Variants in ST6GALNAC3 observed in about 807,000 individuals in gnomAD.
ST6GALNAC3 encodes the protein ST6 N-acetylgalactosaminide alpha-2,6-sialyltransferase 3.
ST6GALNAC3 carries 25 observed loss-of-function variants against 32.7 expected under a neutral mutation model. The ratio of observed to expected loss-of-function variants is 0.76; its 90% confidence interval spans 0.56 to 1.07. The LOEUF is 1.07. Among genes scored for constraint, ST6GALNAC3 ranks in the 50% least tolerant of loss-of-function variants. The pLI is 0.00. For synonymous variants in ST6GALNAC3, 129 were observed against 133.1 expected (o/e 0.97, Z 0.21); for missense variants, 355 against 382.4 (o/e 0.93, Z 0.60).
At chr1:76,456,016 C>T (rs1199163139) in intron 3 of ST6GALNAC3, among the ~76,000 whole-genome samples, 1 of 152,016 alleles carries the variant, frequency 6.6e-6, no homozygotes, top group Non-Finnish European at 1.5e-5. Flanking sequence ...CAAAGCCCGA[C>T]TCTACCAAAA....
intron 1 of ST6GALNAC3, among the ~76,000 whole-genome samples, chr1:76,282,003 T>C (rs1257048254): frequency 6.6e-6 from 1 of 152,086 alleles, no homozygotes; most frequent in East Asian, 1.9e-4. Flanking sequence ...ATGGAGAAGG[T>C]GGGATGCATG....
At chr1:76,476,139 C>A (rs1289112520) in intron 3 of ST6GALNAC3, among the ~76,000 whole-genome samples, 1 of 152,096 alleles carries the variant, frequency 6.6e-6, no homozygotes, top group African/African-American at 2.4e-5. Flanking sequence ...AAACTTCAAG[C>A]AAACCGAAAC....
chr1:76,136,642 T>C (rs1649966156), intron 1 of ST6GALNAC3, among the ~76,000 whole-genome samples: 1 of 152,202 alleles, frequency 6.6e-6, no homozygotes, highest in South Asian at 2.1e-4. Flanking sequence ...GCTTTCACAG[T>C]TGGTTAAATA....
At chr1:76,536,965 A>T (rs915973252) in intron 3 of ST6GALNAC3, among the ~76,000 whole-genome samples, 17 of 152,210 alleles carry the variant, frequency 1.1e-4, no homozygotes, top group Admixed American at 7.9e-4. Context: ...CAGGACTCGA[A>T]CTCAGCTCTG....
At chr1:76,416,812 G>A (rs1175896791) in intron 3 of ST6GALNAC3, among the ~76,000 whole-genome samples, 1 of 151,850 alleles carries the variant, frequency 6.6e-6, no homozygotes, top group Non-Finnish European at 1.5e-5. Flanking sequence ...ATTTTTAGTA[G>A]AGATGGGGTT....
intron 1 of ST6GALNAC3, among the ~76,000 whole-genome samples, chr1:76,280,428 A>T (rs938757295): frequency 9.2e-5 from 14 of 152,196 alleles, no homozygotes; most frequent in African/African-American, 3.4e-4. Flanking sequence ...TTTCTTGCAT[A>T]GTACTTTCAG....
intron 2 of ST6GALNAC3, among the ~76,000 whole-genome samples, chr1:76,399,971 G>T (rs926191191): frequency 1.3e-4 from 20 of 152,106 alleles, no homozygotes; most frequent in African/African-American, 4.8e-4. Context: ...TTAATACCAT[G>T]ATATAATCTG....
At chr1:76,216,078 A>G (rs1008860938) in intron 1 of ST6GALNAC3, among the ~76,000 whole-genome samples, 1 of 151,996 alleles carries the variant, frequency 6.6e-6, no homozygotes, top group Non-Finnish European at 1.5e-5. Flanking sequence ...CTGGTCTCAT[A>G]GATGTTATTT....
Position 76,630,503 on chromosome 1 carries a change from T to G in ST6GALNAC3, c.*1697T>G, listed in dbSNP as rs1649239776. The stretch of plus-strand genomic sequence containing the variant: ...GATTTGCTGCAAGAGTAGCTGAGAA[T>G]TCAAAAACATCCTTGCAGAATGATT... On this transcript the variant is annotated 3_prime_UTR_variant, in exon 5 of 5. Transcript: ENST00000328299. 1.0e-6 allele frequency: 1 copy of G among 985,110 alleles called. No homozygotes were observed. Among genetic ancestry groups the G allele is most frequent in the South Asian group, 4.7e-5 (1 of 21,290 alleles). The allele number at this position is 985,110 out of a possible 1,614,324, so 61.0% of individuals were successfully genotyped here.
At chr1:76,419,082 CT>C (rs1444214223) in intron 3 of ST6GALNAC3, among the ~76,000 whole-genome samples, 1 of 151,752 alleles carries the variant, frequency 6.6e-6, no homozygotes, top group Non-Finnish European at 1.5e-5. Flanking sequence ...TACAAATGCA[CT>C]GGGTGAAACT....
chr1:76,566,715 C>T (rs1045867258), intron 3 of ST6GALNAC3, among the ~76,000 whole-genome samples: 1 of 152,148 alleles, frequency 6.6e-6, no homozygotes, highest in African/African-American at 2.4e-5. Flanking sequence ...CTCTCTCTTG[C>T]CCGGTTTAAT....
intron 1 of ST6GALNAC3, among the ~76,000 whole-genome samples, chr1:76,305,588 A>G (rs187953573): frequency 6.6e-6 from 1 of 152,248 alleles, no homozygotes; most frequent in Admixed American, 6.5e-5. Flanking sequence ...TTCGGGAAAG[A>G]CAATATCAAG....
intron 2 of ST6GALNAC3, among the ~76,000 whole-genome samples, chr1:76,322,872 G>A (rs947206055): frequency 4.0e-5 from 6 of 150,780 alleles, no homozygotes; most frequent in Admixed American, 1.3e-4. Flanking sequence ...ATGGAGTCTC[G>A]CTCTGTCACT....
intron 1 of ST6GALNAC3, among the ~76,000 whole-genome samples, chr1:76,217,866 A>G (rs1407886236): frequency 6.6e-6 from 1 of 152,162 alleles, no homozygotes; most frequent in African/African-American, 2.4e-5. Flanking sequence ...TTTATGGCTG[A>G]GTAGTATTCT....
chr1:76,590,395 A>T (rs1647029030), intron 3 of ST6GALNAC3, among the ~76,000 whole-genome samples: 1 of 152,214 alleles, frequency 6.6e-6, no homozygotes, highest in Non-Finnish European at 1.5e-5. Flanking sequence ...ATATCAGATT[A>T]CTTTTTAAAA....
In ST6GALNAC3 at chr1:76,108,829, C is replaced by T. The variant is rs1647717390; in HGVS notation, c.18+33945C>T. On this transcript the variant is annotated intron_variant, in intron 1 of 4. Coordinates refer to ENST00000328299, the MANE Select transcript of ST6GALNAC3 (RefSeq NM_152996.4). Reference sequence around the variant, plus strand: ...CTTGGTCATTTTGAAAATGGTAATACCAGTGCAATGAGTTCTGAAATCTGT... The same window carrying T: ...CTTGGTCATTTTGAAAATGGTAATATCAGTGCAATGAGTTCTGAAATCTGT... 2.7e-5 allele frequency among the ~76,000 whole-genome samples: 4 copies of T among 149,670 alleles called. No homozygotes were observed. In the South Asian group the frequency reaches 8.4e-4, roughly 32 times the overall value.
At chr1:76,075,002 A>AT (rs1646793503) in intron 1 of ST6GALNAC3, 118 bp downstream of exon 1, 2 of 1,369,142 alleles carry the variant, frequency 1.5e-6, no homozygotes, top group African/African-American at 2.9e-5. Context: ...CCTGGCATTG[A>AT]TTTTCTTTTT....
chr1:76,112,463 G>A (rs1365709316), intron 1 of ST6GALNAC3, among the ~76,000 whole-genome samples: 2 of 150,310 alleles, frequency 1.3e-5, no homozygotes, highest in African/African-American at 2.5e-5. Context: ...CTGGCCGGGC[G>A]GGGGGCTAAC....
At position 76,104,610 on chromosome 1, in the gene ST6GALNAC3, C is replaced by CTT. The variant is rs11430411; in HGVS notation, c.18+29741_18+29742dup. The stretch of plus-strand genomic sequence containing the variant: ...TCCTTCCCTTGATCCTGGCCTGACG[C>CTT]TTTTTTTTTTTTTTTTAGATTTGAG... On this transcript the variant is annotated intron_variant, in intron 1 of 4. Transcript: ENST00000328299. Among the ~76,000 whole-genome samples, 497 of 134,470 alleles carry CTT rather than the reference C, an allele frequency of 3.7e-3. 3 individuals carry two copies. Among genetic ancestry groups the CTT allele is most frequent in the South Asian group, 0.022 (90 of 4,126 alleles). The allele number at this position is 134,470 out of a possible 152,430, so 88.2% of individuals were successfully genotyped here.
Sources: allele counts gnomAD v4.1 joint callset (sites outside exome capture counted in the v4.1 genomes callset), GRCh38; gene constraint gnomAD v4.1.1; transcripts MANE v1.5; gene names NCBI Gene and HGNC (gene_info 2026-07-23, HGNC 2026-07-21).